Variants in KIF13B observed in about 807,000 individuals in gnomAD.
KIF13B encodes kinesin-like protein KIF13B.
KIF13B carries 127 observed loss-of-function variants against 222.0 expected under a neutral mutation model. The observed-to-expected ratio is 0.57, with a 90% CI of 0.50 to 0.66. KIF13B has a LOEUF of 0.66. Ranked by LOEUF, KIF13B falls within the 30% of genes least tolerant of loss-of-function variation. The pLI, the probability that KIF13B is intolerant of heterozygous loss-of-function variation, is 0.00. For synonymous variants in KIF13B, 976 were observed against 919.0 expected (o/e 1.06, Z -1.12); for missense variants, 2,173 against 2,379.0 (o/e 0.91, Z 1.80).
At position 29,177,088 on chromosome 8, in the gene KIF13B, G is replaced by A. The variant is rs559268987; in HGVS notation, c.833+378C>T. Reference sequence around the variant, plus strand: ...TGGAGGGTGACTATGCCCCCACAGGGAACAGCCATGGTTGTTGAAAGTGAG... The same window carrying A: ...TGGAGGGTGACTATGCCCCCACAGGAAACAGCCATGGTTGTTGAAAGTGAG... On this transcript the variant is annotated intron_variant, in intron 9 of 39. Coordinates refer to ENST00000524189, the MANE Select transcript of KIF13B (RefSeq NM_015254.4). Among the ~76,000 whole-genome samples the A allele has an allele frequency of 1.2e-3, 184 of 152,274 alleles. 2 individuals carry two copies. Among genetic ancestry groups the A allele is most frequent in the African/African-American group, 4.1e-3 (169 of 41,552 alleles).
chr8:29,191,016 A>G lies in KIF13B; in HGVS notation c.204T>C (p.Ser68=). 6.2e-7 allele frequency: 1 copy of G among 1,613,116 alleles called. No homozygotes were observed. The highest frequency in any genetic ancestry group is 8.5e-7 in the Non-Finnish European group (1 of 1,179,250). ...YDHCFWSMDE[S]VKEKYAGQDI... is the part of the protein sequence containing the mutation. ...TATTACCTGCATACTTTTCTTTGAC[A>G]GATTCATCCATAGACCAGAAACAAT... The change falls in exon 4 of 40, where the codon TCT becomes TCC. Residue 68 remains serine (S), a synonymous_variant. Coordinates refer to ENST00000524189, the MANE Select transcript of KIF13B (RefSeq NM_015254.4).
intron 1 of KIF13B, among the ~76,000 whole-genome samples, chr8:29,256,288 A>T (rs1204815825): frequency 6.6e-6 from 1 of 152,218 alleles, no homozygotes; most frequent in Non-Finnish European, 1.5e-5. Context: ...TCTAAATCAG[A>T]GACTTTGCAG....
intron 35 of KIF13B, among the ~76,000 whole-genome samples, chr8:29,105,997 G>T (rs1324460874): frequency 6.6e-6 from 1 of 152,020 alleles, no homozygotes; most frequent in East Asian, 1.9e-4. Flanking sequence ...TTCTTTCAAG[G>T]AACTTATAAT....
At chr8:29,253,786 C>T (rs958812496) in intron 1 of KIF13B, among the ~76,000 whole-genome samples, 8 of 123,932 alleles carry the variant, frequency 6.5e-5, no homozygotes, top group African/African-American at 9.7e-5. Flanking sequence ...GCCAAGATTA[C>T]GACATTACAC....
At chr8:29,226,987 C>T (rs1227179657) in intron 2 of KIF13B, among the ~76,000 whole-genome samples, 2 of 152,268 alleles carry the variant, frequency 1.3e-5, no homozygotes, top group East Asian at 3.9e-4. Flanking sequence ...ATACTCACCC[C>T]TAAGACAGGC....
chr8:29,232,643 A>G (rs1225553496), intron 2 of KIF13B, among the ~76,000 whole-genome samples: 2 of 152,178 alleles, frequency 1.3e-5, no homozygotes, highest in Non-Finnish European at 2.9e-5. Flanking sequence ...TAAATTTATT[A>G]CATTACTGTA....
intron 23 of KIF13B, 67 bp downstream of exon 23, chr8:29,132,241 C>T: frequency 8.1e-7 from 1 of 1,231,142 alleles, no homozygotes; most frequent in Non-Finnish European, 1.1e-6. Context: ...GTGAATGAGA[C>T]TGTCTCAAAA....
chr8:29,076,793 C>T (rs1191906884), intron 37 of KIF13B, among the ~76,000 whole-genome samples: 7 of 152,104 alleles, frequency 4.6e-5, no homozygotes, highest in South Asian at 2.1e-4. Context: ...CGAGAGGAAA[C>T]GCAGCGATCA....
chr8:29,114,616 C>T (rs1809511333), intron 31 of KIF13B, among the ~76,000 whole-genome samples: 1 of 152,048 alleles, frequency 6.6e-6, no homozygotes, highest in African/African-American at 2.4e-5. Flanking sequence ...AGGTCCTATT[C>T]TTGTTATAAA....
chr8:29,134,524 A>G (rs6983266), intron 21 of KIF13B, among the ~76,000 whole-genome samples: 54 of 152,348 alleles, frequency 3.5e-4, no homozygotes, highest in African/African-American at 1.3e-3. Flanking sequence ...ATGAAGAAAG[A>G]TCTCAAACAT....
chr8:29,077,716 C>T (rs892286795), intron 37 of KIF13B, among the ~76,000 whole-genome samples: 5 of 152,130 alleles, frequency 3.3e-5, no homozygotes, highest in Middle Eastern at 3.2e-3. Flanking sequence ...ATTAGAAAAA[C>T]CCAGTAGATA....
chr8:29,197,752 A>G (rs1348254452), intron 2 of KIF13B, among the ~76,000 whole-genome samples: 1 of 152,264 alleles, frequency 6.6e-6, no homozygotes, highest in Non-Finnish European at 1.5e-5. Flanking sequence ...TTAAAGCCTA[A>G]AACAAAACAG....
intron 2 of KIF13B, among the ~76,000 whole-genome samples, chr8:29,205,195 G>GT (rs11407713): frequency 0.62 from 93,807 of 151,626 alleles, 30,535 homozygotes; most frequent in Non-Finnish European, 0.74. Context: ...CACCAAAAAA[G>GT]TTTTTTTAAA....
At chr8:29,122,560 G>A (rs1404336020) in intron 29 of KIF13B, 31 bp downstream of exon 29, 1 of 1,580,186 alleles carries the variant, frequency 6.3e-7, no homozygotes, top group Non-Finnish European at 8.7e-7. Context: ...ATTTTCAGAG[G>A]TAAGCCTTCA....
At chr8:29,189,144 G>T (rs529197437) in intron 4 of KIF13B, among the ~76,000 whole-genome samples, 7 of 152,022 alleles carry the variant, frequency 4.6e-5, no homozygotes, top group African/African-American at 1.4e-4. Flanking sequence ...AATTCTCCCC[G>T]ACAGGCCAAA....
chr8:29,122,808 T>C (rs913841878), intron 28 of KIF13B, among the ~76,000 whole-genome samples, 162 bp from the exon 29 acceptor site: 1 of 152,174 alleles, frequency 6.6e-6, no homozygotes, highest in East Asian at 1.9e-4. Context: ...CCACAAAGCC[T>C]CCACTGTAGC....
intron 26 of KIF13B, 151 bp downstream of exon 26, chr8:29,126,331 C>G: frequency 1.7e-6 from 1 of 603,358 alleles, no homozygotes; most frequent in South Asian, 2.2e-5. Context: ...AAACAACACT[C>G]AATGTTCCCT....
chr8:29,133,665 T>G (rs1338975123), intron 22 of KIF13B, among the ~76,000 whole-genome samples: 1 of 150,914 alleles, frequency 6.6e-6, no homozygotes, highest in Non-Finnish European at 1.5e-5. Flanking sequence ...AATGAAGGAA[T>G]AACAAAGAGC....
chr8:29,243,068 C>T (rs868052730), intron 2 of KIF13B, among the ~76,000 whole-genome samples: 3 of 152,114 alleles, frequency 2.0e-5, no homozygotes, highest in Non-Finnish European at 2.9e-5. Flanking sequence ...AGTAACCGGT[C>T]GGGTGTGGTG....
Sources: gnomAD v4.1 joint callset for allele counts (sites outside exome capture counted in the v4.1 genomes callset) on GRCh38, gnomAD v4.1.1 for gene constraint, MANE v1.5 for transcripts, NCBI Gene and HGNC (gene_info 2026-07-23, HGNC 2026-07-21) for gene names.